Variants in HAMP observed in about 807,000 individuals in gnomAD.
The protein encoded by HAMP is hepcidin.
A neutral mutation model predicts 7.8 loss-of-function variants in HAMP; 5 were observed. The ratio of observed to expected loss-of-function variants is 0.64; its 90% CI spans 0.33 to 1.34. The LOEUF (loss-of-function observed/expected upper bound fraction) is 1.34, where lower values mean the gene tolerates loss of function less well. HAMP is among the 40% of genes most tolerant of loss of function. The pLI, the probability that HAMP is intolerant of heterozygous loss-of-function variation, is 0.05. For missense variants in HAMP, 105 were observed against 104.1 expected (o/e 1.01, Z -0.04); for synonymous variants, 52 against 38.6 (o/e 1.35, Z -1.28).
Position 35,282,605 on chromosome 19 carries a change from G to A in HAMP, c.28G>A (p.Ala10Thr), listed in dbSNP as rs780532638. The part of the protein sequence containing the change: MALSSQIWA[A>T]CLLLLLLLAS... ...GGCACTGAGCTCCCAGATCTGGGCC[G>A]CTTGCCTCCTGCTCCTCCTCCTCCT... Residue 10 changes from alanine (A) to threonine (T), a missense_variant, in exon 1 of 3, where the codon GCT becomes ACT. Transcript: ENST00000222304. The A allele has an allele frequency of 2.5e-5, 40 of 1,613,960 alleles. No individual in the cohort carries two copies. Among genetic ancestry groups the A allele is most frequent in the South Asian group, 7.7e-5 (7 of 91,092 alleles).
intron 1 of HAMP, chr19:35,284,346 G>GTATCATTAAAA: frequency 2.5e-5 from 5 of 201,904 alleles, no homozygotes; most frequent in Admixed American, 2.1e-4. Context: ...TCGGGAAGCT[G>GTATCATTAAAA]AGGCGGGAGC....
chr19:35,284,489 G>A, intron 1 of HAMP: 2 of 536,156 alleles, frequency 3.7e-6, no homozygotes, highest in Non-Finnish European at 6.7e-6. Context: ...CAAATGGATT[G>A]AGGGGCAAGA....
rs1405091861 is a variant in HAMP, at chr19:35,284,845, G to T, written c.147G>T (p.Trp49Cys). ...PQDRAGARAS[W>C]MPMFQRRRRR... ...ACAGAGCTGGAGCCAGGGCCAGCTG[G>T]ATGGTGAGCGCAACAGTGATGCCTT... Residue 49 changes from tryptophan (W) to cysteine (C), a missense_variant, in exon 2 of 3, where the codon TGG becomes TGT. Physicochemically the swap from Trp to Cys is radical, Grantham distance 215 (BLOSUM62 -2). Transcript: ENST00000222304. 6.2e-7 allele frequency: 1 copy of T among 1,613,484 alleles called. No homozygotes were observed. The highest frequency in any genetic ancestry group is 2.2e-5 in the East Asian group (1 of 44,874).
intron 1 of HAMP, chr19:35,284,456 A>C: frequency 2.2e-6 from 1 of 446,136 alleles, no homozygotes; most frequent in South Asian, 2.3e-5. Flanking sequence ...AAAACAAACA[A>C]AAAAAGTGAC....
intron 1 of HAMP, chr19:35,284,399 T>G (rs982893568): frequency 6.3e-6 from 2 of 316,066 alleles, no homozygotes; most frequent in Non-Finnish European, 6.1e-6. Context: ...GAGCTATGAC[T>G]GTGCCACTGC....
rs149146279 is a variant in HAMP at position 35,282,577 on chromosome 19, G to A, written c.-1G>A. 61 of 1,613,406 alleles carry A rather than the reference G, an allele frequency of 3.8e-5. No individual in the cohort carries two copies. Among genetic ancestry groups the A allele is most frequent in the Non-Finnish European group, 4.5e-5 (53 of 1,179,356 alleles). Reference sequence around the variant, plus strand: ...AGTGGGACAGCCAGACAGACGGCACGATGGCACTGAGCTCCCAGATCTGGG... The same window carrying A: ...AGTGGGACAGCCAGACAGACGGCACAATGGCACTGAGCTCCCAGATCTGGG... On this transcript the variant is annotated 5_prime_UTR_variant, in exon 1 of 3. Transcript: ENST00000222304.
chr19:35,282,616 GCTC>G lies in HAMP; in HGVS notation c.52_54del (p.Leu18del), dbSNP rs760383487. 52 of 1,609,776 alleles carry G rather than the reference GCTC, an allele frequency of 3.2e-5. No homozygotes were observed. Among genetic ancestry groups the G allele is most frequent in the African/African-American group, 4.0e-5 (3 of 74,836 alleles). On this transcript the variant is annotated inframe_deletion, in exon 1 of 3. Transcript: ENST00000222304. ...CCCAGATCTGGGCCGCTTGCCTCCT[GCTC>G]CTCCTCCTCCTCGCCAGCCTGACCA...
rs573187458 is a variant in HAMP, at chr19:35,282,779, G to A, written c.90+112G>A. On this transcript the variant is annotated intron_variant, in intron 1 of 2. Coordinates refer to ENST00000222304, the MANE Select transcript of HAMP (RefSeq NM_021175.4). ...ACTGAGCAGAGCTCAGGACGTCTCAGGAGTACTGGCAGCTGAACAGGAACC... is the reference window on the plus strand; with the variant it reads ...ACTGAGCAGAGCTCAGGACGTCTCAAGAGTACTGGCAGCTGAACAGGAACC... The A allele has an allele frequency of 2.2e-4, 188 of 859,406 alleles. 1 individual carries two copies. The Admixed American group carries it at 3.3e-3, about 15-fold the overall frequency. The allele number at this position is 859,406 out of a possible 1,614,324, so 53.2% of individuals were successfully genotyped here.
At chr19:35,284,466 C>T (rs1178843684) in intron 1 of HAMP, 5 of 478,314 alleles carry the variant, frequency 1.0e-5, no homozygotes, top group Non-Finnish European at 1.5e-5. Flanking sequence ...AAAAAAGTGA[C>T]TCTGCTGTGT....
Position 35,284,800 on chromosome 19 carries a change from T to C in HAMP, c.102T>C (p.Leu34=). ...TTCTGCTTTCACAGACGGGACAACT[T>C]GCAGAGCTGCAACCCCAGGACAGAG... ...GSVFPQQTGQ[L]AELQPQDRAG... is the part of the protein sequence containing the mutation. The change falls in exon 2 of 3, where the codon CTT becomes CTC. Residue 34 remains leucine, a synonymous_variant. Coordinates refer to ENST00000222304, the MANE Select transcript of HAMP (RefSeq NM_021175.4). 6.2e-7 allele frequency: 1 copy of C among 1,613,726 alleles called. No homozygotes were observed. The highest frequency in any genetic ancestry group is 8.5e-7 in the Non-Finnish European group (1 of 1,179,818).
At chr19:35,284,658 G>C (rs778890503) in intron 1 of HAMP, 131 bp from the exon 2 acceptor site, 44 of 710,968 alleles carry the variant, frequency 6.2e-5, no homozygotes, top group Admixed American at 1.3e-4. Context: ...AAGCAAGAAA[G>C]CAAGGCCCCT....
intron 1 of HAMP, 71 bp from the exon 2 acceptor site, chr19:35,284,718 G>T (rs1480337616): frequency 8.6e-7 from 1 of 1,159,806 alleles, no homozygotes; most frequent in African/African-American, 1.5e-5. Context: ...AGAGGAGCAG[G>T]TTGCCGGGAG....
At chr19:35,284,886 C>G (rs773428762) in intron 2 of HAMP, 38 bp downstream of exon 2, 2 of 1,606,300 alleles carry the variant, frequency 1.2e-6, no homozygotes, top group African/African-American at 1.3e-5. Flanking sequence ...GCCCCCTGCT[C>G]CCTCCCCATG....
chr19:35,282,861 G>T (rs1411321411), intron 1 of HAMP, 194 bp downstream of exon 1: 12 of 592,976 alleles, frequency 2.0e-5, no homozygotes, highest in Non-Finnish European at 3.7e-5. Context: ...GTTGAGGCAG[G>T]CAGCCCACTT....
intron 1 of HAMP, chr19:35,284,273 C>T (rs1020399319): frequency 5.5e-6 from 1 of 180,738 alleles, no homozygotes; most frequent in African/African-American, 2.4e-5. Flanking sequence ...AACCAGACCC[C>T]ACCTCTACAA....
chr19:35,282,825 T>A (rs1021503227), intron 1 of HAMP, 158 bp downstream of exon 1: 6 of 677,370 alleles, frequency 8.9e-6, no homozygotes, highest in Admixed American at 4.2e-5. Context: ...CGGTGGCTCA[T>A]GCCTGTAATC....
chr19:35,282,712 G>A, intron 1 of HAMP, 45 bp downstream of exon 1: 1 of 1,453,866 alleles, frequency 6.9e-7, no homozygotes, highest in South Asian at 1.1e-5. Flanking sequence ...AGCAGGGATG[G>A]GAGAGCCAGG....
At position 35,282,657 on chromosome 19, in the gene HAMP, T is replaced by C. The variant is rs762007166; in HGVS notation, c.80T>C (p.Phe27Ser). The C allele has an allele frequency of 3.1e-6, 5 of 1,613,718 alleles. No homozygotes were observed. In the Admixed American group the frequency reaches 6.7e-5, roughly 22 times the overall value. The change falls in exon 1 of 3, where the codon TTC becomes TCC. Residue 27 changes from phenylalanine (F) to serine (S), a missense_variant. Physicochemically the swap from Phe to Ser is radical, Grantham distance 155. Coordinates refer to ENST00000222304, the MANE Select transcript of HAMP (RefSeq NM_021175.4). ...GCCAGCCTGACCAGTGGCTCTGTTTTCCCACAACAGGTGAGAGCCCAGTGG... is the reference window on the plus strand; with the variant it reads ...GCCAGCCTGACCAGTGGCTCTGTTTCCCCACAACAGGTGAGAGCCCAGTGG... ...LLASLTSGSV[F>S]PQQTGQLAEL...
chr19:35,284,713 A>AG (rs2145593500), intron 1 of HAMP, 76 bp from the exon 2 acceptor site: 2 of 1,073,486 alleles, frequency 1.9e-6, no homozygotes, highest in East Asian at 4.7e-5. Context: ...CTTGGAGAGG[A>AG]GCAGGTTGCC....
Sources: allele counts gnomAD v4.1 joint callset, GRCh38; gene constraint gnomAD v4.1.1; transcripts MANE v1.5; gene names NCBI Gene and HGNC (gene_info 2026-07-23, HGNC 2026-07-21).